ZNF469: variants seen among roughly 807,000 people sequenced by gnomAD.
The protein encoded by ZNF469 is zinc finger protein 469.
A neutral mutation model predicts 1.0 loss-of-function variants in ZNF469; 1 was observed. The observed-to-expected ratio is 1.00, with a 90% CI of 0.35 to 4.73. The LOEUF (loss-of-function observed/expected upper bound fraction) is 4.73. ZNF469 is among the 30% of genes most tolerant of loss of function. The pLI is 0.16. For synonymous variants in ZNF469, 2,703 were observed against 2,363.4 expected (o/e 1.14, Z -4.17); for missense variants, 6,100 against 5,356.3 (o/e 1.14, Z -4.33).
At chr16:88,410,665 C>T (rs968673707) in intron 1 of ZNF469, among the ~76,000 whole-genome samples, 5 of 148,052 alleles carry the variant, frequency 3.4e-5, no homozygotes, top group East Asian at 2.1e-4. Flanking sequence ...GTGCAAGTCA[C>T]GTGGTCATGG....
At position 88,434,294 on chromosome 16, in the gene ZNF469, G is replaced by A. The variant is rs1906409917; in HGVS notation, c.6824G>A (p.Gly2275Glu). The A allele has an allele frequency of 6.5e-7, 1 of 1,550,236 alleles. No homozygotes were observed. Among genetic ancestry groups the A allele is most frequent in the Admixed American group, 2.0e-5 (1 of 50,996 alleles). Residue 2275 changes from glycine to glutamate, a missense_variant, in exon 3 of 3, where the codon GGG becomes GAG. Gly to Glu is a moderately conservative substitution (Grantham distance 98, BLOSUM62 -2). Transcript: ENST00000565624. ...PGRATSPPLA[G>E]AVSPSVAVRA... ...CGAGCCACCTCTCCTCCTCTGGCAGGGGCCGTCTCCCCCAGCGTGGCCGTC... is the reference window on the plus strand; with the variant it reads ...CGAGCCACCTCTCCTCCTCTGGCAGAGGCCGTCTCCCCCAGCGTGGCCGTC...
chr16:88,305,670 AC>A, the ZNF469 span, among the ~76,000 whole-genome samples: 1 of 151,996 alleles, frequency 6.6e-6, no homozygotes, highest in Non-Finnish European at 1.5e-5. Flanking sequence ...CTTCACATAC[AC>A]ACACATGCTC....
chr16:88,268,991 C>G, the ZNF469 span, among the ~76,000 whole-genome samples: 1 of 152,176 alleles, frequency 6.6e-6, no homozygotes, highest in African/African-American at 2.4e-5. Flanking sequence ...AGGTCACGGG[C>G]TGCCGGGAGG....
chr16:88,121,604 G>C, the ZNF469 span, among the ~76,000 whole-genome samples: 1 of 152,336 alleles, frequency 6.6e-6, no homozygotes, highest in South Asian at 2.1e-4. Flanking sequence ...TGAGAGTTGA[G>C]TAGGCAAAAT....
Position 88,439,219 on chromosome 16 carries a change from G to A in ZNF469, c.11749G>A (p.Ala3917Thr). The A allele has an allele frequency of 6.5e-7, 1 of 1,550,220 alleles. No homozygotes were observed. The highest frequency in any genetic ancestry group is 8.7e-7 in the Non-Finnish European group (1 of 1,146,848). ...RGTAVHGAEP[A>T]EPHTHRTAEA... ...CACAGCTGTCCACGGTGCTGAACCT[G>A]CCGAGCCACACACCCACCGGACGGC... The change falls in exon 3 of 3, where the codon GCC becomes ACC. Residue 3917 changes from alanine to threonine, a missense_variant. Transcript: ENST00000565624.
the ZNF469 span, among the ~76,000 whole-genome samples, chr16:88,227,889 C>A: frequency 6.6e-6 from 1 of 152,210 alleles, no homozygotes; most frequent in Non-Finnish European, 1.5e-5. Flanking sequence ...CCAGGCTCCG[C>A]CTCCATTATT....
chr16:88,371,443 G>A, the ZNF469 span, among the ~76,000 whole-genome samples: 1 of 152,170 alleles, frequency 6.6e-6, no homozygotes, highest in African/African-American at 2.4e-5. Context: ...CATAGTAACG[G>A]CCTGATAACA....
At chr16:88,345,118 G>A in the ZNF469 span, among the ~76,000 whole-genome samples, 7 of 152,322 alleles carry the variant, frequency 4.6e-5, no homozygotes, top group South Asian at 1.0e-3. Context: ...AGTGGATCCC[G>A]AGGTCATAGG....
rs534910156 is a variant in ZNF469, at chr16:88,436,590, G to A, written c.9120G>A (p.Pro3040=). 6.4e-5 allele frequency: 99 copies of A among 1,550,056 alleles called. No homozygotes were observed. The Middle Eastern group carries it at 1.0e-3, about 16-fold the overall frequency. The change falls in exon 3 of 3, where the codon CCG becomes CCA. Residue 3040 remains proline, a synonymous_variant. Transcript: ENST00000565624. The part of the protein sequence containing the change: ...GGLPGNTHLL[P]LRATDFEVLS... ...TTCCCGGGAACACCCACCTGCTGCCGCTCCGTGCCACGGACTTTGAGGTGC... is the reference window on the plus strand; with the variant it reads ...TTCCCGGGAACACCCACCTGCTGCCACTCCGTGCCACGGACTTTGAGGTGC...
intron 1 of ZNF469, among the ~76,000 whole-genome samples, chr16:88,395,237 A>G (rs8062285): frequency 0.033 from 1,166 of 35,840 alleles, 90 homozygotes; most frequent in Middle Eastern, 0.06. Flanking sequence ...GTGGATGGGT[A>G]GATGGATGGA....
At chr16:88,405,166 G>A (rs143529935) in intron 1 of ZNF469, among the ~76,000 whole-genome samples, 5 of 152,256 alleles carry the variant, frequency 3.3e-5, no homozygotes, top group African/African-American at 1.2e-4. Context: ...CACACAGAGG[G>A]GACATTTGCA....
At chr16:88,413,784 G>A (rs1905237623) in intron 1 of ZNF469, among the ~76,000 whole-genome samples, 1 of 152,172 alleles carries the variant, frequency 6.6e-6, no homozygotes, top group Admixed American at 6.5e-5. Context: ...CCGCGCCTCA[G>A]GGCCTGGGCA....
chr16:88,427,781 C>T lies in ZNF469; in HGVS notation c.311C>T (p.Ala104Val), dbSNP rs768011450. 2.6e-6 allele frequency: 4 copies of T among 1,546,870 alleles called. No homozygotes were observed. The South Asian group carries it at 4.8e-5, about 18-fold the overall frequency. ...QTPPGRSPLQ[A>V]PSRLAGRAEG... is the part of the protein sequence containing the mutation. ...CCACCGGGGAGAAGCCCCTTGCAGGCTCCCTCAAGGCTGGCGGGCAGGGCA... is the reference window on the plus strand; with the variant it reads ...CCACCGGGGAGAAGCCCCTTGCAGGTTCCCTCAAGGCTGGCGGGCAGGGCA... Residue 104 changes from alanine (A) to valine (V), a missense_variant, in exon 3 of 3, where the codon GCT (alanine) becomes GTT (valine). By Grantham distance (64) the Ala-to-Val change is moderately conservative (BLOSUM62 0). Coordinates refer to ENST00000565624, the MANE Select transcript of ZNF469 (RefSeq NM_001367624.2).
At chr16:88,244,182 T>A in the ZNF469 span, among the ~76,000 whole-genome samples, 2 of 140,428 alleles carry the variant, frequency 1.4e-5, no homozygotes, top group Non-Finnish European at 3.0e-5. Context: ...GATAGGTGGG[T>A]AGGTGGATGG....
At chr16:88,175,107 C>T in the ZNF469 span, among the ~76,000 whole-genome samples, 3 of 152,118 alleles carry the variant, frequency 2.0e-5, no homozygotes, top group East Asian at 1.9e-4. Context: ...TAAGATCTTC[C>T]GACTGATTCA....
the ZNF469 span, among the ~76,000 whole-genome samples, chr16:88,342,475 A>G: frequency 6.6e-6 from 1 of 152,112 alleles, no homozygotes; most frequent in South Asian, 2.1e-4. Flanking sequence ...GTCAGAGAGG[A>G]TGATCGGGGA....
At chr16:88,127,931 A>T in the ZNF469 span, among the ~76,000 whole-genome samples, 1 of 152,238 alleles carries the variant, frequency 6.6e-6, no homozygotes, top group East Asian at 1.9e-4. Flanking sequence ...TTATTCCCAA[A>T]ACGCCTCCCC....
At chr16:88,109,424 G>C in the ZNF469 span, among the ~76,000 whole-genome samples, 1 of 152,240 alleles carries the variant, frequency 6.6e-6, no homozygotes, top group Non-Finnish European at 1.5e-5. Flanking sequence ...GCTTCTCCCC[G>C]GCAGCCTCCG....
At chr16:88,148,764 G>A in the ZNF469 span, among the ~76,000 whole-genome samples, 2 of 152,176 alleles carry the variant, frequency 1.3e-5, no homozygotes, top group South Asian at 2.1e-4. Context: ...GGGCTGGGCT[G>A]TTGGGAGGCG....
Sources: allele counts gnomAD v4.1 joint callset (sites outside exome capture counted in the v4.1 genomes callset), GRCh38; gene constraint gnomAD v4.1.1; transcripts MANE v1.5; gene names NCBI Gene and HGNC (gene_info 2026-07-23, HGNC 2026-07-21).